Variants in XXYLT1 observed in about 807,000 individuals in gnomAD.
XXYLT1 encodes UDP-xylose:alpha-xyloside alpha-1,3-xylosyltransferase.
Under a neutral mutation model 28.9 loss-of-function variants are expected in XXYLT1, and 20 were observed. The observed-to-expected ratio is 0.69, with a 90% CI of 0.49 to 1.00. The LOEUF (loss-of-function observed/expected upper bound fraction) is 1.00, where lower values mean the gene tolerates loss of function less well. XXYLT1 is among the 50% of genes least tolerant of loss of function. The probability of loss-of-function intolerance (pLI) is 0.00; values close to 1 mark genes in which losing one functional copy is unlikely to be tolerated. For missense variants in XXYLT1, 542 were observed against 560.1 expected (o/e 0.97, Z 0.33); for synonymous variants, 257 against 253.8 (o/e 1.01, Z -0.12).
At chr3:195,072,432 A>G (rs1447687298) in intron 3 of XXYLT1, among the ~76,000 whole-genome samples, 1 of 152,164 alleles carries the variant, frequency 6.6e-6, no homozygotes, top group Non-Finnish European at 1.5e-5. Context: ...TGTCTGCAGC[A>G]AGGAGGAGCA....
chr3:195,148,655 C>T (rs964805158), intron 3 of XXYLT1, among the ~76,000 whole-genome samples: 4 of 152,254 alleles, frequency 2.6e-5, no homozygotes, highest in South Asian at 2.1e-4. Flanking sequence ...CCAGACGTGA[C>T]GGTCACGCTA....
chr3:195,112,711 A>G (rs984032283), intron 3 of XXYLT1, among the ~76,000 whole-genome samples: 1 of 151,122 alleles, frequency 6.6e-6, no homozygotes, highest in African/African-American at 2.4e-5. Flanking sequence ...ACGTATGCAC[A>G]CACGCAGCTC....
chr3:195,161,997 G>A (rs1326518725), intron 2 of XXYLT1, among the ~76,000 whole-genome samples: 3 of 151,914 alleles, frequency 2.0e-5, no homozygotes, highest in African/African-American at 4.8e-5. Flanking sequence ...ACTGAGGCAG[G>A]AGGATCACTT....
intron 3 of XXYLT1, among the ~76,000 whole-genome samples, chr3:195,145,445 G>T (rs1170610176): frequency 2.0e-5 from 3 of 148,332 alleles, no homozygotes; most frequent in African/African-American, 7.6e-5. Flanking sequence ...GACTGGCACT[G>T]ATGGGGCCCT....
chr3:195,225,153 T>C (rs1577168091), intron 2 of XXYLT1, among the ~76,000 whole-genome samples: 2 of 152,246 alleles, frequency 1.3e-5, no homozygotes, highest in East Asian at 3.9e-4. Flanking sequence ...GGTAGAAGGG[T>C]TGGTGAGCTG....
At chr3:195,087,789 G>C (rs1715821882) in intron 3 of XXYLT1, among the ~76,000 whole-genome samples, 1 of 152,162 alleles carries the variant, frequency 6.6e-6, no homozygotes. Context: ...TCTCACTAGG[G>C]AGTGCCAGAC....
At chr3:195,137,901 A>T (rs1221600612) in intron 3 of XXYLT1, among the ~76,000 whole-genome samples, 1 of 152,182 alleles carries the variant, frequency 6.6e-6, no homozygotes, top group African/African-American at 2.4e-5. Context: ...AGGCTTTATC[A>T]GACACACCCT....
At chr3:195,142,143 C>T (rs1171839296) in intron 3 of XXYLT1, among the ~76,000 whole-genome samples, 1 of 152,202 alleles carries the variant, frequency 6.6e-6, no homozygotes, top group East Asian at 1.9e-4. Context: ...TTCCGACCCT[C>T]CCTGCTCCAC....
chr3:195,211,639 A>G (rs1723317225), intron 2 of XXYLT1, among the ~76,000 whole-genome samples: 1 of 152,228 alleles, frequency 6.6e-6, no homozygotes, highest in Non-Finnish European at 1.5e-5. Context: ...TGATCAAAAC[A>G]AACAAAAAAA....
chr3:195,154,516 C>G (rs1183191333), intron 3 of XXYLT1, among the ~76,000 whole-genome samples: 1 of 152,172 alleles, frequency 6.6e-6, no homozygotes, highest in Non-Finnish European at 1.5e-5. Context: ...ATGAGGGTCT[C>G]TCTCGCAACA....
chr3:195,102,369 C>A (rs1460357991), intron 3 of XXYLT1, among the ~76,000 whole-genome samples: 28 of 152,000 alleles, frequency 1.8e-4, no homozygotes, highest in African/African-American at 2.4e-5. Flanking sequence ...ACACATGAAC[C>A]CTCTAGACCC....
intron 1 of XXYLT1, among the ~76,000 whole-genome samples, chr3:195,244,785 CAT>C (rs1379635548): frequency 1.6e-4 from 18 of 115,186 alleles, no homozygotes; most frequent in South Asian, 2.9e-4. Flanking sequence ...AAAAAAAAAA[CAT>C]GTTTCATTTA....
At chr3:195,193,245 A>T (rs908115270) in intron 2 of XXYLT1, among the ~76,000 whole-genome samples, 1 of 151,184 alleles carries the variant, frequency 6.6e-6, no homozygotes, top group East Asian at 1.9e-4. Flanking sequence ...CGGAGGTCAC[A>T]CCACTGCACT....
chr3:195,198,110 C>G (rs192966843), intron 2 of XXYLT1, among the ~76,000 whole-genome samples: 8 of 152,296 alleles, frequency 5.3e-5, no homozygotes, highest in African/African-American at 1.7e-4. Context: ...GGGGATAGAG[C>G]ATATATGAGG....
chr3:195,153,982 C>T (rs1189594856), intron 3 of XXYLT1: 2 of 152,250 alleles, frequency 1.3e-5, no homozygotes, highest in Non-Finnish European at 2.9e-5. Context: ...ACTTAGAGCT[C>T]AGCTCTTCTC....
Position 195,270,839 on chromosome 3 carries a change from C to A in XXYLT1, c.220G>T (p.Ala74Ser). Residue 74 changes from alanine (A) to serine (S), a missense_variant, in exon 1 of 4, where the codon GCG becomes TCG. Transcript: ENST00000310380. Reference sequence around the variant, plus strand: ...GGGGCTGGCGCCACGGAGCCCCGCGCTAGCTCCAGCGCGGGCGGCGAGGGC... The same window carrying A: ...GGGGCTGGCGCCACGGAGCCCCGCGATAGCTCCAGCGCGGGCGGCGAGGGC... The part of the protein sequence containing the change: ...AAPSPPALEL[A>S]RGSVAPAPGA... 6.9e-7 allele frequency: 1 copy of A among 1,451,562 alleles called. No homozygotes were observed. Among genetic ancestry groups the A allele is most frequent in the Non-Finnish European group, 9.1e-7 (1 of 1,103,542 alleles). The allele number at this position is 1,451,562 out of a possible 1,614,324, so 89.9% of individuals were successfully genotyped here. A position where few individuals can be genotyped will look rare whatever the true frequency, so the allele number is the denominator to read the frequency against.
At chr3:195,130,306 A>C (rs1484283469) in intron 3 of XXYLT1, among the ~76,000 whole-genome samples, 1 of 152,188 alleles carries the variant, frequency 6.6e-6, no homozygotes, top group Non-Finnish European at 1.5e-5. Flanking sequence ...CAATGATCAC[A>C]CTCAGTAGAC....
At position 195,076,232 on chromosome 3, in the gene XXYLT1, G is replaced by A. The variant is rs902724568; in HGVS notation, c.786-6121C>T. Among the ~76,000 whole-genome samples, 20 of 152,132 alleles carry A rather than the reference G, an allele frequency of 1.3e-4. No homozygotes were observed. Among genetic ancestry groups the A allele is most frequent in the African/African-American group, 4.6e-4 (19 of 41,442 alleles). On this transcript the variant is annotated intron_variant, in intron 3 of 3. Coordinates refer to ENST00000310380, the MANE Select transcript of XXYLT1 (RefSeq NM_152531.5). This position sits in a 1 kb window ranked among gnomAD's most constrained non-coding sequence, Gnocchi z 5.3. The stretch of plus-strand genomic sequence containing the variant: ...GGGGCTCGGGGAAGTGAGAAAAGAG[G>A]TGACATCTGCTGAGCAGATGTGCAC...
At chr3:195,205,577 T>C (rs1389373831) in intron 2 of XXYLT1, among the ~76,000 whole-genome samples, 2 of 152,100 alleles carry the variant, frequency 1.3e-5, no homozygotes, top group Admixed American at 1.3e-4. Context: ...AAAGTCACTA[T>C]CCTGGCCGGG....
Sources: allele counts gnomAD v4.1 joint callset (sites outside exome capture counted in the v4.1 genomes callset), GRCh38; gene constraint gnomAD v4.1.1; non-coding constraint Gnocchi (gnomAD v3.1); transcripts MANE v1.5; gene names NCBI Gene and HGNC (gene_info 2026-07-23, HGNC 2026-07-21).